GALNT10: variants seen among roughly 807,000 people sequenced by gnomAD.
The protein encoded by GALNT10 is polypeptide N-acetylgalactosaminyltransferase 10.
A neutral mutation model predicts 75.0 loss-of-function variants in GALNT10; 41 were observed. The ratio of observed to expected loss-of-function variants is 0.55; its 90% confidence interval spans 0.43 to 0.71. The LOEUF is 0.71. Among genes scored for constraint, GALNT10 ranks in the 30% least tolerant of loss-of-function variants. GALNT10 has a pLI of 0.00. For synonymous variants in GALNT10, 302 were observed against 313.0 expected, an observed-to-expected ratio of 0.96 and a Z score of 0.37; for missense variants, 727 against 818.5, an observed-to-expected ratio of 0.89 and a Z score of 1.36.
intron 3 of GALNT10, chr5:154,329,302 T>C: frequency 2.3e-6 from 1 of 429,268 alleles, no homozygotes; most frequent in Non-Finnish European, 4.3e-6. Context: ...AGTGTTACTG[T>C]AGGGCAGTCC....
At chr5:154,205,584 A>G (rs931205258) in intron 1 of GALNT10, among the ~76,000 whole-genome samples, 9 of 152,170 alleles carry the variant, frequency 5.9e-5, no homozygotes, top group Non-Finnish European at 1.3e-4. Flanking sequence ...CAAAGTCCTT[A>G]CTCACGGCAC....
chr5:154,333,182 TA>T (rs1227656492), intron 4 of GALNT10, among the ~76,000 whole-genome samples: 1 of 152,066 alleles, frequency 6.6e-6, no homozygotes, highest in African/African-American at 2.4e-5. Context: ...CTAAAAGAAG[TA>T]TATGAAAACC....
In GALNT10 at chr5:154,380,570, T is replaced by A; in HGVS notation, c.877T>A (p.Tyr293Asn). Residue 293 changes from tyrosine to asparagine, a missense_variant, in exon 6 of 12, where the codon TAC becomes AAC. Physicochemically the swap from Tyr to Asn is moderately radical, Grantham distance 143. Transcript: ENST00000297107. ...GCGGGGAGCCTTTGACTGGGAGATG[T>A]ACTACAAGCGGATCCCGATCCCTCC... ...AMRGAFDWEMYYKRIPIPPEL... is the reference protein window; with the variant it reads ...AMRGAFDWEMNYKRIPIPPEL... 7 of 1,613,936 alleles carry A rather than the reference T, an allele frequency of 4.3e-6. No homozygotes were observed. Among genetic ancestry groups the A allele is most frequent in the Non-Finnish European group, 5.9e-6 (7 of 1,179,850 alleles).
At chr5:154,360,663 A>T (rs1755371409) in intron 4 of GALNT10, among the ~76,000 whole-genome samples, 1 of 152,232 alleles carries the variant, frequency 6.6e-6, no homozygotes, top group African/African-American at 2.4e-5. Context: ...AAGTCCCAAC[A>T]GTGGTTACCT....
chr5:154,200,484 A>G (rs984282407), intron 1 of GALNT10, among the ~76,000 whole-genome samples: 2 of 152,164 alleles, frequency 1.3e-5, no homozygotes, highest in African/African-American at 4.8e-5. Flanking sequence ...GCTAAAGCAC[A>G]TTGTATGTTC....
At chr5:154,254,488 GTTTCTTTTCTTTA>G (rs1753576197) in intron 1 of GALNT10, among the ~76,000 whole-genome samples, 1 of 148,498 alleles carries the variant, frequency 6.7e-6, no homozygotes, top group Non-Finnish European at 1.5e-5. Flanking sequence ...CCACAGAGGT[GTTTCTTTTCTTTA>G]TTTCTTTTCT....
At chr5:154,281,420 C>G (rs920859940) in intron 1 of GALNT10, among the ~76,000 whole-genome samples, 17 of 152,180 alleles carry the variant, frequency 1.1e-4, no homozygotes, top group African/African-American at 3.4e-4. Context: ...CGTTGCTAAA[C>G]TCATCAGCTC....
chr5:154,269,545 C>T (rs1220332619), intron 1 of GALNT10, among the ~76,000 whole-genome samples: 1 of 152,186 alleles, frequency 6.6e-6, no homozygotes, highest in Non-Finnish European at 1.5e-5. Flanking sequence ...GTCCTTTGAG[C>T]CCTGACATAT....
At chr5:154,411,662 A>C (rs984567742) in intron 9 of GALNT10, among the ~76,000 whole-genome samples, 1 of 152,178 alleles carries the variant, frequency 6.6e-6, no homozygotes, top group Non-Finnish European at 1.5e-5. Context: ...CTACCCCAAC[A>C]TCACCTCCAG....
intron 1 of GALNT10, among the ~76,000 whole-genome samples, chr5:154,275,062 T>G (rs566017492): frequency 2.0e-5 from 3 of 152,216 alleles, no homozygotes; most frequent in Non-Finnish European, 1.5e-5. Flanking sequence ...TGACCCTGAG[T>G]GTACTCCTTC....
chr5:154,262,032 G>A (rs1192916167), intron 1 of GALNT10, among the ~76,000 whole-genome samples: 1 of 152,144 alleles, frequency 6.6e-6, no homozygotes, highest in East Asian at 1.9e-4. Context: ...AGTTCATGTG[G>A]GTTACTGGTA....
chr5:154,255,364 G>A lies in GALNT10; in HGVS notation c.160-39452G>A, dbSNP rs562606418. On this transcript the variant is annotated intron_variant, in intron 1 of 11. Transcript: ENST00000297107. Reference sequence around the variant, plus strand: ...GGAAATGGCTCTTGGATAAGCAATTGCAGTGCCGGGTATAATGAGAAAGAG... The same window carrying A: ...GGAAATGGCTCTTGGATAAGCAATTACAGTGCCGGGTATAATGAGAAAGAG... Among the ~76,000 whole-genome samples the A allele has an allele frequency of 1.1e-3, 163 of 152,246 alleles. 1 individual carries two copies. Among genetic ancestry groups the A allele is most frequent in the Middle Eastern group, 3.4e-3 (1 of 294 alleles).
At position 154,376,532 on chromosome 5, in the gene GALNT10, G is replaced by T; in HGVS notation, c.754+70G>T. The T allele has an allele frequency of 8.7e-7, 1 of 1,143,306 alleles. No individual in the cohort carries two copies. The highest frequency in any genetic ancestry group is 1.2e-6 in the Non-Finnish European group (1 of 805,216). 70.8% of individuals were successfully genotyped at this position (1,143,306 alleles called of 1,614,324 possible). Reference sequence around the variant, plus strand: ...CCAGTGCCAGTGGCCCCCTCCTGCTGCAGGGAGCCATCCATAAGCCTTCCC... The same window carrying T: ...CCAGTGCCAGTGGCCCCCTCCTGCTTCAGGGAGCCATCCATAAGCCTTCCC... On this transcript the variant is annotated intron_variant, in intron 5 of 11. Transcript: ENST00000297107. The surrounding 1 kb of genome is among the most constrained non-coding windows in gnomAD (Gnocchi z 4.1).
At chr5:154,381,718 A>G (rs1352421208) in intron 6 of GALNT10, among the ~76,000 whole-genome samples, 1 of 152,158 alleles carries the variant, frequency 6.6e-6, no homozygotes, top group African/African-American at 2.4e-5. Context: ...GGATGCTTAC[A>G]TTCCTTGGCT....
chr5:154,229,652 G>T lies in GALNT10; in HGVS notation c.159+38627G>T, dbSNP rs1292918808. Among the ~76,000 whole-genome samples the T allele has an allele frequency of 2.0e-5, 3 of 152,176 alleles. No individual in the cohort carries two copies. In the East Asian group the frequency reaches 5.8e-4, roughly 29 times the overall value. On this transcript the variant is annotated intron_variant, in intron 1 of 11. Transcript: ENST00000297107. ...GGAGGCTGAGGCAGGAGAGTGGCGT[G>T]AACCCAGGAGGCGCACCTTGCGGTG...
At chr5:154,324,289 G>T (rs1754722293) in intron 3 of GALNT10, among the ~76,000 whole-genome samples, 1 of 152,228 alleles carries the variant, frequency 6.6e-6, no homozygotes, top group Admixed American at 6.5e-5. Flanking sequence ...TTCCCACTGG[G>T]AATTGCCCTA....
At chr5:154,241,989 C>T (rs115500474) in intron 1 of GALNT10, among the ~76,000 whole-genome samples, 2,557 of 152,218 alleles carry the variant, frequency 0.017, 54 homozygotes, top group African/African-American at 0.057. Flanking sequence ...TCACCATCAC[C>T]ACCACCACAG....
chr5:154,226,949 T>TAA (rs35176270), intron 1 of GALNT10, among the ~76,000 whole-genome samples: 13 of 145,816 alleles, frequency 8.9e-5, no homozygotes, highest in African/African-American at 1.3e-4. Context: ...ATGTACTCTT[T>TAA]AAAAAAAAAA....
chr5:154,333,178 G>A (rs10075400), intron 4 of GALNT10, among the ~76,000 whole-genome samples: 50,452 of 151,976 alleles, frequency 0.33, 9,741 homozygotes, highest in African/African-American at 0.54. Context: ...ACTGCTAAAA[G>A]AAGTATATGA....
Sources: gnomAD v4.1 joint callset for allele counts (sites outside exome capture counted in the v4.1 genomes callset) on GRCh38, gnomAD v4.1.1 for gene constraint, Gnocchi (gnomAD v3.1) non-coding constraint, MANE v1.5 for transcripts, NCBI Gene and HGNC (gene_info 2026-07-23, HGNC 2026-07-21) for gene names.